The following SYT1 variants were observed in gnomAD, a reference collection of about 807,000 sequenced individuals.
SYT1 encodes synaptotagmin-1.
A neutral mutation model predicts 44.8 loss-of-function variants in SYT1; 8 were observed. That is an observed-to-expected ratio of 0.18 (90% CI 0.10 to 0.32). The LOEUF is 0.32. SYT1 is among the 10% of genes least tolerant of loss of function. SYT1 has a pLI of 1.00. For missense variants in SYT1, 286 were observed against 509.3 expected (o/e 0.56, Z 4.22); for synonymous variants, 154 against 188.8 (o/e 0.82, Z 1.51).
At chr12:79,073,613 C>T (rs954011578) in intron 3 of SYT1, among the ~76,000 whole-genome samples, 9 of 152,114 alleles carry the variant, frequency 5.9e-5, no homozygotes, top group African/African-American at 9.7e-5. Flanking sequence ...GTGAAAATCC[C>T]TGAGGCAGAA....
At chr12:79,146,797 T>C (rs1367691851) in intron 3 of SYT1, among the ~76,000 whole-genome samples, 1 of 152,174 alleles carries the variant, frequency 6.6e-6, no homozygotes, top group East Asian at 1.9e-4. Flanking sequence ...AAAAATTGTG[T>C]AAAGTGTCTA....
At chr12:79,211,564 A>G (rs1592856668) in intron 3 of SYT1, among the ~76,000 whole-genome samples, 2 of 150,896 alleles carry the variant, frequency 1.3e-5, no homozygotes, top group South Asian at 2.1e-4. Context: ...AGCATTAGGT[A>G]TATCTCCCAA....
Position 79,451,952 on chromosome 12 carries a change from A to T in SYT1, c.*2828A>T, listed in dbSNP as rs1042400306. The T allele has an allele frequency of 6.6e-6, 1 of 152,186 alleles. No individual in the cohort carries two copies. Among genetic ancestry groups the T allele is most frequent in the Non-Finnish European group, 1.5e-5 (1 of 68,032 alleles). The allele number at this position is 152,186 out of a possible 1,614,324, so 9.4% of individuals were successfully genotyped here. ...CCACAGTAGTTTTCTGATTGTTGTT[A>T]AAAATGACTTAACATATTACACAGA... On this transcript the variant is annotated 3_prime_UTR_variant, in exon 11 of 11. Transcript: ENST00000261205.
intron 4 of SYT1, among the ~76,000 whole-genome samples, chr12:79,277,081 G>A (rs564705624): frequency 1.3e-5 from 2 of 151,962 alleles, no homozygotes; most frequent in Non-Finnish European, 2.9e-5. Context: ...GGACAATTGA[G>A]GAAATATTCC....
chr12:79,237,791 G>A (rs998048050), intron 4 of SYT1, among the ~76,000 whole-genome samples: 3 of 152,110 alleles, frequency 2.0e-5, no homozygotes, highest in African/African-American at 7.2e-5. Context: ...CTTAGTACAG[G>A]CCATCATCTG....
At chr12:79,307,369 A>G (rs1322085016) in intron 8 of SYT1, among the ~76,000 whole-genome samples, 1 of 152,184 alleles carries the variant, frequency 6.6e-6, no homozygotes, top group African/African-American at 2.4e-5. Context: ...ACTGTAAATT[A>G]ATTTTATTTA....
chr12:79,264,502 T>C (rs1878018629), intron 4 of SYT1, among the ~76,000 whole-genome samples: 1 of 152,220 alleles, frequency 6.6e-6, no homozygotes, highest in African/African-American at 2.4e-5. Context: ...TCACTTCAAA[T>C]ACTTGGCCAA....
At chr12:79,256,251 AT>A (rs950538181) in intron 4 of SYT1, among the ~76,000 whole-genome samples, 1 of 152,222 alleles carries the variant, frequency 6.6e-6, no homozygotes, top group African/African-American at 2.4e-5. Flanking sequence ...CTCTACTAAT[AT>A]TTGCAATGCC....
intron 4 of SYT1, among the ~76,000 whole-genome samples, chr12:79,267,599 A>T (rs1346058127): frequency 6.6e-6 from 1 of 152,240 alleles, no homozygotes; most frequent in Non-Finnish European, 1.5e-5. Context: ...TGAAAATTTC[A>T]TAGGATGAAT....
Position 79,285,842 on chromosome 12 carries a change from C to G in SYT1, c.222C>G (p.Thr74=). The G allele has an allele frequency of 3.1e-6, 5 of 1,613,702 alleles. No individual in the cohort carries two copies. Among genetic ancestry groups the G allele is most frequent in the Non-Finnish European group, 4.2e-6 (5 of 1,179,908 alleles). Residue 74 remains threonine (T), a synonymous_variant, in exon 5 of 11, where the codon ACC becomes ACG. Coordinates refer to ENST00000261205, the MANE Select transcript of SYT1 (RefSeq NM_005639.3). ...TAGTCGCAGTCCTTTTAGTCCTGAC[C>G]TGCTGCTTTTGTATCTGTAAGAAAT... is the stretch of plus-strand genomic sequence containing the variant. The part of the protein sequence containing the change: ...IAIVAVLLVL[T]CCFCICKKCL...
chr12:79,151,496 T>C (rs567841261), intron 3 of SYT1, among the ~76,000 whole-genome samples: 7 of 152,254 alleles, frequency 4.6e-5, no homozygotes, highest in Non-Finnish European at 7.4e-5. Flanking sequence ...ACATTTGAAA[T>C]TGATTCTGAA....
intron 1 of SYT1, among the ~76,000 whole-genome samples, chr12:78,879,274 T>C (rs1462913): frequency 1.6e-4 from 24 of 151,862 alleles, no homozygotes; most frequent in African/African-American, 5.8e-4. Flanking sequence ...GTTCAGTTCA[T>C]TCATTAATGA....
At chr12:79,198,184 G>A (rs1260988896) in intron 3 of SYT1, among the ~76,000 whole-genome samples, 8 of 152,040 alleles carry the variant, frequency 5.3e-5, no homozygotes, top group East Asian at 3.8e-4. Context: ...TATCTTTGGC[G>A]TTTTAGTACT....
At chr12:79,052,432 G>A (rs1874576879) in intron 3 of SYT1, among the ~76,000 whole-genome samples, 1 of 152,148 alleles carries the variant, frequency 6.6e-6, no homozygotes, top group African/African-American at 2.4e-5. Context: ...ATACCATTCA[G>A]GACATATGCA....
intron 1 of SYT1, among the ~76,000 whole-genome samples, chr12:78,943,341 G>A (rs543500412): frequency 6.6e-6 from 1 of 152,290 alleles, no homozygotes; most frequent in Non-Finnish European, 1.5e-5. Flanking sequence ...AGCTTCTGGG[G>A]AGGCCTCAGG....
At chr12:79,189,274 CTATT>C (rs2045077064) in intron 3 of SYT1, among the ~76,000 whole-genome samples, 1 of 152,106 alleles carries the variant, frequency 6.6e-6, no homozygotes, top group Non-Finnish European at 1.5e-5. Flanking sequence ...CTTGTACAAA[CTATT>C]TAGTCTGTCT....
intron 1 of SYT1, among the ~76,000 whole-genome samples, chr12:78,929,681 T>C (rs1401245342): frequency 6.6e-6 from 1 of 150,896 alleles, no homozygotes; most frequent in Non-Finnish European, 1.5e-5. Context: ...TCTAATCATA[T>C]GACTTACTAG....
At chr12:79,137,838 G>A (rs1456303416) in intron 3 of SYT1, among the ~76,000 whole-genome samples, 1 of 152,074 alleles carries the variant, frequency 6.6e-6, no homozygotes, top group Non-Finnish European at 1.5e-5. Context: ...TGGTATTCAT[G>A]TATATGAGCC....
At chr12:79,439,034 C>T (rs1870252403) in intron 9 of SYT1, among the ~76,000 whole-genome samples, 1 of 152,172 alleles carries the variant, frequency 6.6e-6, no homozygotes, top group Admixed American at 6.5e-5. Flanking sequence ...ATACATACTA[C>T]CACATCTCTA....
Sources: gnomAD v4.1 joint callset for allele counts (sites outside exome capture counted in the v4.1 genomes callset) on GRCh38, gnomAD v4.1.1 for gene constraint, MANE v1.5 for transcripts, NCBI Gene and HGNC (gene_info 2026-07-23, HGNC 2026-07-21) for gene names.